Variants in GRIN3A observed in about 807,000 individuals in gnomAD.
GRIN3A encodes the protein glutamate receptor ionotropic, NMDA 3A.
A neutral mutation model predicts 92.4 loss-of-function variants in GRIN3A; 47 were observed. That is an observed-to-expected ratio of 0.51 (90% CI 0.40 to 0.65). The LOEUF is 0.65. GRIN3A is among the 30% of genes least tolerant of loss of function. The probability of loss-of-function intolerance (pLI) is 0.00; values close to 1 mark genes in which losing one functional copy is unlikely to be tolerated. For synonymous variants in GRIN3A, 527 were observed against 540.6 expected (o/e 0.97, Z 0.35); for missense variants, 1,324 against 1,393.1 (o/e 0.95, Z 0.79).
intron 6 of GRIN3A, chr9:101,592,839 T>A (rs964583402): frequency 2.0e-5 from 3 of 152,094 alleles, no homozygotes; most frequent in African/African-American, 7.2e-5. Context: ...GAAACAGATC[T>A]TCCATGTCCT....
Position 101,617,112 on chromosome 9 carries a change from A to G in GRIN3A, c.2615-3585T>C, listed in dbSNP as rs28574928. ...CTACTCGGGAGGCTGAGGCAGGAGA[A>G]TGGCGTGAACCCGGGAAGCGGAGCT... On this transcript the variant is annotated intron_variant, in intron 5 of 8. Transcript: ENST00000361820. Among the ~76,000 whole-genome samples, 1,271 of 148,050 alleles carry G rather than the reference A, an allele frequency of 8.6e-3. 28 individuals are homozygous for G. The highest frequency in any genetic ancestry group is 0.031 in the African/African-American group (1,218 of 39,458).
intron 6 of GRIN3A, among the ~76,000 whole-genome samples, chr9:101,611,952 C>T (rs1379027892): frequency 6.6e-6 from 1 of 152,148 alleles, no homozygotes; most frequent in South Asian, 2.1e-4. Context: ...GAGGCAACAG[C>T]CTGTGCAGGG....
chr9:101,663,170 T>A (rs1323417), intron 3 of GRIN3A, among the ~76,000 whole-genome samples: 2 of 151,622 alleles, frequency 1.3e-5, no homozygotes, highest in Admixed American at 6.6e-5. Flanking sequence ...CCTCATCAAC[T>A]TCCCTTTAAC....
At chr9:101,726,963 A>C (rs971798662) in intron 1 of GRIN3A, among the ~76,000 whole-genome samples, 1 of 152,186 alleles carries the variant, frequency 6.6e-6, no homozygotes, top group Non-Finnish European at 1.5e-5. Flanking sequence ...TAAGGGATCA[A>C]GGACAAGAAG....
At chr9:101,662,592 C>T (rs1829184742) in intron 3 of GRIN3A, among the ~76,000 whole-genome samples, 1 of 151,400 alleles carries the variant, frequency 6.6e-6, no homozygotes. Flanking sequence ...AAAAGATTAA[C>T]ATTAATATAT....
intron 3 of GRIN3A, among the ~76,000 whole-genome samples, chr9:101,631,755 T>TAAGCAG (rs1828718461): frequency 6.6e-6 from 1 of 152,200 alleles, no homozygotes; most frequent in Non-Finnish European, 1.5e-5. Flanking sequence ...GATTAGCAAA[T>TAAGCAG]AAGCAGACTC....
chr9:101,658,475 A>G (rs1829120737), intron 3 of GRIN3A, among the ~76,000 whole-genome samples: 1 of 151,924 alleles, frequency 6.6e-6, no homozygotes, highest in Non-Finnish European at 1.5e-5. Flanking sequence ...TTATTTGCCA[A>G]TTGATTTACC....
intron 6 of GRIN3A, among the ~76,000 whole-genome samples, chr9:101,581,101 A>G (rs371366326): frequency 5.3e-5 from 8 of 152,332 alleles, no homozygotes; most frequent in African/African-American, 1.9e-4. Flanking sequence ...AGGAAGTTAT[A>G]TCTTTCCTTT....
intron 6 of GRIN3A, among the ~76,000 whole-genome samples, chr9:101,610,258 A>G (rs868359142): frequency 3.3e-5 from 5 of 152,232 alleles, no homozygotes; most frequent in African/African-American, 1.2e-4. Flanking sequence ...CTCTGGGTAC[A>G]GTTTCTATTA....
At chr9:101,713,709 T>C (rs1829908622) in intron 1 of GRIN3A, among the ~76,000 whole-genome samples, 1 of 152,170 alleles carries the variant, frequency 6.6e-6, no homozygotes, top group African/African-American at 2.4e-5. Flanking sequence ...CCAAGTAGCC[T>C]ATTGGTTGGT....
At chr9:101,704,265 A>T (rs987875857) in intron 1 of GRIN3A, among the ~76,000 whole-genome samples, 1 of 152,212 alleles carries the variant, frequency 6.6e-6, no homozygotes, top group African/African-American at 2.4e-5. Flanking sequence ...AAATAGGGCT[A>T]GTCCATTCCA....
In GRIN3A at chr9:101,577,802, G is replaced by C. The variant is rs1564117579; in HGVS notation, c.2974C>G (p.Gln992Glu). The change falls in exon 8 of 9, where the codon CAG becomes GAG. Residue 992 changes from glutamine to glutamate, a missense_variant. By Grantham distance (29) the Gln-to-Glu change is conservative. Transcript: ENST00000361820. ...AINTSFIEEK[Q>E]QHFKTKRVEK... ...ACACGTTTGGTCTTGAAATGCTGCT[G>C]CTTTTCCTCTATAAATGATGTATTT... is the stretch of plus-strand genomic sequence containing the variant. 10 of 1,612,886 alleles carry C rather than the reference G, an allele frequency of 6.2e-6. No homozygotes were observed. Among genetic ancestry groups the C allele is most frequent in the Non-Finnish European group, 8.5e-6 (10 of 1,179,428 alleles).
rs1008362638 is a variant in GRIN3A, at chr9:101,681,695, CTT to C, written c.1304+4899_1304+4900del. The stretch of plus-strand genomic sequence containing the variant: ...CTGTATATCTGAATATATCCCTATT[CTT>C]TTTTTTTTTTTTTTTTTATTATACT... On this transcript the variant is annotated intron_variant, in intron 2 of 8. Coordinates refer to ENST00000361820, the MANE Select transcript of GRIN3A (RefSeq NM_133445.3). Among the ~76,000 whole-genome samples the C allele has an allele frequency of 2.6e-3, 47 of 17,872 alleles. 7 individuals carry two copies. Among genetic ancestry groups the C allele is most frequent in the East Asian group, 0.017 (43 of 2,592 alleles). 11.7% of individuals were successfully genotyped at this position (17,872 alleles called of 152,430 possible). A position where few individuals can be genotyped will look rare whatever the true frequency, so the allele number is the denominator to read the frequency against.
intron 1 of GRIN3A, among the ~76,000 whole-genome samples, chr9:101,736,208 A>T (rs1046333387): frequency 6.6e-6 from 1 of 152,200 alleles, no homozygotes; most frequent in Admixed American, 6.5e-5. Context: ...ACACTGACCA[A>T]TGTTGATCAA....
chr9:101,573,265 A>G lies in GRIN3A; in HGVS notation c.3257T>C (p.Ile1086Thr). 6.2e-7 allele frequency: 1 copy of G among 1,613,984 alleles called. No individual in the cohort carries two copies. The highest frequency in any genetic ancestry group is 1.3e-5 in the African/African-American group (1 of 74,992). Residue 1086 changes from isoleucine (I) to threonine (T), a missense_variant, in exon 9 of 9, where the codon ATT becomes ACT. Transcript: ENST00000361820. ...MQELSELEKQ[I>T]QVIRQELQLA... is the part of the protein sequence containing the mutation. ...CTGCAGCTCCTGACGGATCACCTGA[A>G]TCTGCTTCTCGAGCTCTGAGAGTTC...
chr9:101,674,643 C>T (rs112021175), intron 2 of GRIN3A, among the ~76,000 whole-genome samples: 15 of 152,064 alleles, frequency 9.9e-5, no homozygotes, highest in African/African-American at 3.6e-4. Flanking sequence ...AAAAAAGTAA[C>T]CTTAAGTTCC....
chr9:101,640,944 A>G (rs1173104591), intron 3 of GRIN3A, among the ~76,000 whole-genome samples: 1 of 152,138 alleles, frequency 6.6e-6, no homozygotes, highest in East Asian at 1.9e-4. Flanking sequence ...ACAGGCTAAT[A>G]CACAGACTAA....
chr9:101,585,968 G>C (rs73505284), intron 6 of GRIN3A, among the ~76,000 whole-genome samples: 1,536 of 152,144 alleles, frequency 0.01, 28 homozygotes, highest in African/African-American at 0.035. Flanking sequence ...TCAGCCATTT[G>C]GGCTTCCTTA....
intron 1 of GRIN3A, among the ~76,000 whole-genome samples, chr9:101,699,521 T>C (rs1829728969): frequency 6.6e-6 from 1 of 152,238 alleles, no homozygotes; most frequent in Non-Finnish European, 1.5e-5. Flanking sequence ...AGCACATGAC[T>C]GTATTTCTGG....
Sources: gnomAD v4.1 joint callset for allele counts (sites outside exome capture counted in the v4.1 genomes callset) on GRCh38, gnomAD v4.1.1 for gene constraint, MANE v1.5 for transcripts, NCBI Gene and HGNC (gene_info 2026-07-23, HGNC 2026-07-21) for gene names.